LAD1: variants seen among roughly 807,000 people sequenced by gnomAD.
LAD1 encodes the protein ladinin-1.
A neutral mutation model predicts 54.2 loss-of-function variants in LAD1; 53 were observed. That is an observed-to-expected ratio of 0.98 (90% CI 0.78 to 1.23). The LOEUF is 1.23. Ranked by LOEUF, LAD1 falls within the 50% of genes most tolerant of loss-of-function variation. The pLI is 0.00. For missense variants in LAD1, 637 were observed against 653.3 expected, an observed-to-expected ratio of 0.98 and a Z score of 0.27; for synonymous variants, 231 against 257.7, an observed-to-expected ratio of 0.90 and a Z score of 0.99.
At chr1:201,391,183 G>T (rs1418342716) in intron 1 of LAD1, 1 of 455,706 alleles carries the variant, frequency 2.2e-6, no homozygotes, top group South Asian at 1.6e-5. Flanking sequence ...TTGAGCCATG[G>T]AGCTCCACAG....
chr1:201,389,124 A>T (rs754325500), intron 2 of LAD1, 36 bp downstream of exon 2: 4 of 1,604,474 alleles, frequency 2.5e-6, no homozygotes, highest in Non-Finnish European at 3.4e-6. Context: ...CAACCAGTCC[A>T]TCCCCATCCA....
rs1662085695 is a variant in LAD1 at position 201,386,353 on chromosome 1, G to A, written c.1008C>T (p.Leu336=). ...TGCCAACCTGGAGTGTGACGGGTGG[G>A]AGGCGGGAGGCCACAGTCGGAGGGT... ...ASDPPTVASR[L]PPVTLQVKIP... The change falls in exon 3 of 10, where the codon CTC becomes CTT. Residue 336 remains leucine, a synonymous_variant. Transcript: ENST00000391967. The A allele has an allele frequency of 6.8e-7, 1 of 1,479,164 alleles. No homozygotes were observed. The highest frequency in any genetic ancestry group is 9.0e-7 in the Non-Finnish European group (1 of 1,116,114). 91.6% of individuals were successfully genotyped at this position (1,479,164 alleles called of 1,614,324 possible). A position where few individuals can be genotyped will look rare whatever the true frequency, so the allele number is the denominator to read the frequency against.
chr1:201,388,946 C>T (rs1045221421), intron 2 of LAD1, among the ~76,000 whole-genome samples: 4 of 152,198 alleles, frequency 2.6e-5, no homozygotes, highest in Non-Finnish European at 4.4e-5. Context: ...AGTATTGGCT[C>T]ATGGATGGTC....
intron 1 of LAD1, among the ~76,000 whole-genome samples, chr1:201,394,485 A>T (rs2799673): frequency 0.55 from 83,790 of 152,110 alleles, 25,140 homozygotes; most frequent in African/African-American, 0.81. Flanking sequence ...AAATCAAACT[A>T]TCCCCCTATG....
rs779873997 is a variant in LAD1, at chr1:201,387,108, T to TGTCCTC, written c.247_252dup (p.Glu83_Asp84dup). ...TGCCGTGTTCTGAGGATGCTCTGGATGTCCTCGTCCTCATCTTTGGAGGCT... is the reference window on the plus strand; with the variant it reads ...TGCCGTGTTCTGAGGATGCTCTGGATGTCCTCGTCCTCGTCCTCATCTTTGGAGGCT... On this transcript the variant is annotated inframe_insertion, in exon 3 of 10. Transcript: ENST00000391967. The TGTCCTC allele has an allele frequency of 2.5e-6, 4 of 1,595,960 alleles. No individual in the cohort carries two copies. Among genetic ancestry groups the TGTCCTC allele is most frequent in the African/African-American group, 2.7e-5 (2 of 74,184 alleles).
chr1:201,395,530 G>C (rs988617107), intron 1 of LAD1, among the ~76,000 whole-genome samples: 7 of 152,132 alleles, frequency 4.6e-5, no homozygotes, highest in Non-Finnish European at 8.8e-5. Context: ...AAGGCGGCCG[G>C]ATCACTTGAG....
intron 1 of LAD1, among the ~76,000 whole-genome samples, chr1:201,392,790 G>GA (rs11439879): frequency 0.046 from 6,811 of 147,052 alleles, 217 homozygotes; most frequent in African/African-American, 0.086. Context: ...GCTGCTGTAT[G>GA]AAAAAAAAAA....
chr1:201,387,305 C>T (rs1220203053), intron 2 of LAD1, 127 bp from the exon 3 acceptor site: 22 of 923,578 alleles, frequency 2.4e-5, no homozygotes, highest in East Asian at 2.8e-5. Context: ...CTGGCCTCCC[C>T]GGCTCACCAC....
chr1:201,382,251 C>T lies in LAD1; in HGVS notation c.1548+1G>A, dbSNP rs749750942. The T allele has an allele frequency of 6.2e-7, 1 of 1,612,728 alleles. No homozygotes were observed. Among genetic ancestry groups the T allele is most frequent in the Admixed American group, 1.7e-5 (1 of 60,020 alleles). ...GGGCCAGGCTCCTCCCCACCATTCACCTCAGCGTCCAGCGAGGAGTCAGAT... is the reference window on the plus strand; with the variant it reads ...GGGCCAGGCTCCTCCCCACCATTCATCTCAGCGTCCAGCGAGGAGTCAGAT... On this transcript the variant is annotated splice_donor_variant, in intron 9 of 9. Coordinates refer to ENST00000391967, the MANE Select transcript of LAD1 (RefSeq NM_005558.4). LOFTEE classifies it high-confidence loss of function.
chr1:201,383,406 G>A lies in LAD1; in HGVS notation c.1176-17C>T. On this transcript the variant is annotated splice_polypyrimidine_tract_variant and intron_variant, in intron 5 of 9. Transcript: ENST00000391967. ...ATGCTGGCACTGCAGGATGGAAGAT[G>A]GAACAGGCGAGCCAAGTGAGACACC... is the stretch of plus-strand genomic sequence containing the variant. 1.9e-6 allele frequency: 3 copies of A among 1,613,704 alleles called. No individual in the cohort carries two copies. Among genetic ancestry groups the A allele is most frequent in the Non-Finnish European group, 2.5e-6 (3 of 1,179,746 alleles).
At position 201,389,216 on chromosome 1, in the gene LAD1, G is replaced by A. The variant is rs376205743; in HGVS notation, c.126C>T (p.Asp42=). Residue 42 remains aspartate (D), a synonymous_variant, in exon 2 of 10, where the codon GAC becomes GAT. Coordinates refer to ENST00000391967, the MANE Select transcript of LAD1 (RefSeq NM_005558.4). ...TCTGGCTGAGCCTGGGAGCCTCATC[G>A]TCCGTGGTGGAGCTCAGGTTGCGGT... ...RRHRNLSSTT[D]DEAPRLSQNG... The A allele has an allele frequency of 2.4e-5, 39 of 1,614,214 alleles. No individual in the cohort carries two copies. In the African/African-American group the frequency reaches 3.7e-4, roughly 15 times the overall value.
chr1:201,391,067 A>G, intron 1 of LAD1: 1 of 455,270 alleles, frequency 2.2e-6, no homozygotes, highest in Non-Finnish European at 4.4e-6. Context: ...CTTACAAACA[A>G]AACCATTTAC....
At chr1:201,387,249 G>A (rs1662111041) in intron 2 of LAD1, 71 bp from the exon 3 acceptor site, 1 of 1,395,118 alleles carries the variant, frequency 7.2e-7, no homozygotes. Context: ...CTAACCCAAT[G>A]GAGATGCTGC....
intron 4 of LAD1, among the ~76,000 whole-genome samples, chr1:201,385,187 A>G (rs542316866): frequency 1.2e-4 from 18 of 152,228 alleles, no homozygotes; most frequent in Non-Finnish European, 2.1e-4. Flanking sequence ...GGCACACATT[A>G]GAGGCATGAT....
In LAD1 at chr1:201,382,680, G is replaced by T; in HGVS notation, c.1446C>A (p.Thr482=). The part of the protein sequence containing the change: ...TSRLNLWISR[T]QESGDQDPQE... Reference sequence around the variant, plus strand: ...GGGGGTCCTGATCTCCAGATTCCTGGGTCCTGCTGATCCACAGGTTGAGCC... The same window carrying T: ...GGGGGTCCTGATCTCCAGATTCCTGTGTCCTGCTGATCCACAGGTTGAGCC... Residue 482 remains threonine (T), a synonymous_variant, in exon 8 of 10, where the codon ACC becomes ACA. Coordinates refer to ENST00000391967, the MANE Select transcript of LAD1 (RefSeq NM_005558.4). 6.2e-7 allele frequency: 1 copy of T among 1,607,246 alleles called. No homozygotes were observed. The highest frequency in any genetic ancestry group is 8.5e-7 in the Non-Finnish European group (1 of 1,177,184).
rs183584549 is a variant in LAD1 at position 201,381,372 on chromosome 1, C to T, written c.*516G>A. On this transcript the variant is annotated 3_prime_UTR_variant, in exon 10 of 10. Transcript: ENST00000391967. Reference sequence around the variant, plus strand: ...GCAGGGAGACGGGGCACAGGGAAGACGCACGGCAGCTCCTTCTCCCCTGGC... The same window carrying T: ...GCAGGGAGACGGGGCACAGGGAAGATGCACGGCAGCTCCTTCTCCCCTGGC... The T allele has an allele frequency of 7.3e-4, 120 of 165,468 alleles. No homozygotes were observed. The highest frequency in any genetic ancestry group is 1.0e-3 in the Non-Finnish European group (76 of 75,050). 10.2% of individuals were successfully genotyped at this position (165,468 alleles called of 1,614,324 possible). A position where few individuals can be genotyped will look rare whatever the true frequency, so the allele number is the denominator to read the frequency against.
At chr1:201,384,255 C>T (rs1461462461) in intron 5 of LAD1, among the ~76,000 whole-genome samples, 1 of 152,002 alleles carries the variant, frequency 6.6e-6, no homozygotes, top group Non-Finnish European at 1.5e-5. Flanking sequence ...AGTAAATGTT[C>T]ATGGGGCAGA....
rs1171405674 is a variant in LAD1 at position 201,387,207 on chromosome 1, G to A, written c.183-29C>T. On this transcript the variant is annotated intron_variant, in intron 2 of 9. Coordinates refer to ENST00000391967, the MANE Select transcript of LAD1 (RefSeq NM_005558.4). ...AATCAGAAGATGGGAGACAGAATCA[G>A]AGGATAGAGGTGGAAGATACCCTAA... is the stretch of plus-strand genomic sequence containing the variant. 6 of 1,481,636 alleles carry A rather than the reference G, an allele frequency of 4.0e-6. 1 individual carries two copies. In the South Asian group the frequency reaches 9.0e-5, roughly 22 times the overall value. 91.8% of individuals were successfully genotyped at this position (1,481,636 alleles called of 1,614,324 possible).
At chr1:201,395,514 G>A (rs1384712293) in intron 1 of LAD1, among the ~76,000 whole-genome samples, 3 of 152,186 alleles carry the variant, frequency 2.0e-5, no homozygotes, top group Non-Finnish European at 4.4e-5. Flanking sequence ...AGCACTTTGG[G>A]AGGCCAAGGC....
Sources: gnomAD v4.1 joint callset for allele counts (sites outside exome capture counted in the v4.1 genomes callset) on GRCh38, gnomAD v4.1.1 for gene constraint, MANE v1.5 for transcripts, NCBI Gene and HGNC (gene_info 2026-07-23, HGNC 2026-07-21) for gene names.